The following SLTM variants were observed in gnomAD, a reference collection of about 807,000 sequenced individuals.
The protein encoded by SLTM is SAFB like transcription modulator, also known as SAFB-like transcription modulator.
A neutral mutation model predicts 134.6 loss-of-function variants in SLTM; 43 were observed. The ratio of observed to expected loss-of-function variants is 0.32; its 90% CI spans 0.25 to 0.41. The LOEUF (loss-of-function observed/expected upper bound fraction) is 0.41. Ranked by LOEUF, SLTM falls within the 10% of genes least tolerant of loss-of-function variation. The pLI, the probability that SLTM is intolerant of heterozygous loss-of-function variation, is 1.00. For missense variants in SLTM, 1,055 were observed against 1,288.8 expected (o/e 0.82, Z 2.78); for synonymous variants, 424 against 432.3 (o/e 0.98, Z 0.24).
At chr15:58,897,528 C>T in intron 8 of SLTM, 1 of 224,402 alleles carries the variant, frequency 4.5e-6, no homozygotes, top group Non-Finnish European at 8.9e-6. Context: ...TACCACTGCA[C>T]TGAATAGAGA....
rs778690130 is a variant in SLTM, at chr15:58,888,380, T to C, written c.2375+5A>G. 2.5e-6 allele frequency: 4 copies of C among 1,582,322 alleles called. No homozygotes were observed. The highest frequency in any genetic ancestry group is 3.4e-6 in the Non-Finnish European group (4 of 1,168,682). On this transcript the variant is annotated splice_donor_5th_base_variant and intron_variant, in intron 17 of 20. Coordinates refer to ENST00000380516, the MANE Select transcript of SLTM (RefSeq NM_024755.4). ...AATAAATATAACAATTTTCAACATA[T>C]CTACCTTTCAAAAGATGAAGACTGT... is the stretch of plus-strand genomic sequence containing the variant.
intron 5 of SLTM, among the ~76,000 whole-genome samples, chr15:58,903,372 G>A (rs754908485): frequency 6.6e-6 from 1 of 152,150 alleles, no homozygotes; most frequent in Non-Finnish European, 1.5e-5. Context: ...GCAGAAGTAC[G>A]CTGTTTAAAG....
chr15:58,912,426 G>A (rs528317469), intron 5 of SLTM, 137 bp downstream of exon 5: 4 of 815,458 alleles, frequency 4.9e-6, no homozygotes, highest in Admixed American at 2.0e-5. Context: ...TAAGTACTTT[G>A]TGTACATCAC....
At chr15:58,898,469 T>C (rs2035249829) in intron 8 of SLTM, 2 of 182,510 alleles carry the variant, frequency 1.1e-5, no homozygotes, top group South Asian at 2.3e-4. Context: ...TAGTTATAAA[T>C]GAGTAACAAA....
intron 17 of SLTM, 126 bp from the exon 18 acceptor site, chr15:58,887,666 A>G (rs2034329983): frequency 3.5e-5 from 51 of 1,450,412 alleles, no homozygotes; most frequent in Non-Finnish European, 4.4e-5. Flanking sequence ...AAGCCATGGA[A>G]AAAAGCTAGT....
In SLTM at chr15:58,887,439, G is replaced by T; in HGVS notation, c.2477C>A (p.Ser826Tyr). 1 of 1,613,972 alleles carries T rather than the reference G, an allele frequency of 6.2e-7. No individual in the cohort carries two copies. Among genetic ancestry groups the T allele is most frequent in the Non-Finnish European group, 8.5e-7 (1 of 1,180,002 alleles). Residue 826 changes from serine to tyrosine, a missense_variant, in exon 18 of 21, where the codon TCC becomes TAC. By Grantham distance (144) the Ser-to-Tyr change is moderately radical. Transcript: ENST00000380516. Reference sequence around the variant, plus strand: ...TGGTGGTGGAGGCTCATTTCTTCTGGAGTCACTGAAATTTTTGGGATATCT... The same window carrying T: ...TGGTGGTGGAGGCTCATTTCTTCTGTAGTCACTGAAATTTTTGGGATATCT... ...FERYPKNFSD[S>Y]RRNEPPPPRN...
intron 8 of SLTM, 83 bp from the exon 9 acceptor site, chr15:58,897,316 C>T (rs2035165183): frequency 3.9e-6 from 3 of 774,850 alleles, no homozygotes; most frequent in Admixed American, 2.3e-5. Context: ...TCTTTCAAAA[C>T]TATAATTTTG....
intron 2 of SLTM, among the ~76,000 whole-genome samples, chr15:58,919,789 A>G (rs1438130156): frequency 6.6e-6 from 1 of 152,184 alleles, no homozygotes; most frequent in Non-Finnish European, 1.5e-5. Context: ...AGCACTTAAA[A>G]AAAATTTCAG....
At chr15:58,888,831 G>T in intron 16 of SLTM, 1 of 277,552 alleles carries the variant, frequency 3.6e-6, no homozygotes, top group East Asian at 6.9e-5. Flanking sequence ...CAGGAGAAAT[G>T]ATACCATTAA....
rs1595870049 is a variant in SLTM at position 58,899,360 on chromosome 15, A to T, written c.1058+109T>A. On this transcript the variant is annotated intron_variant, in intron 7 of 20. Transcript: ENST00000380516. The surrounding 1 kb of genome is among the most constrained non-coding windows in gnomAD (Gnocchi z 5.0). The stretch of plus-strand genomic sequence containing the variant: ...GGTCAAAAATATTATAGGCAGGATC[A>T]TAAGACACTAATTACTGTACATGTT... 2 of 858,890 alleles carry T rather than the reference A, an allele frequency of 2.3e-6. No homozygotes were observed. Among genetic ancestry groups the T allele is most frequent in the Admixed American group, 2.4e-5 (1 of 41,542 alleles). The allele number at this position is 858,890 out of a possible 1,614,324, so 53.2% of individuals were successfully genotyped here. A position where few individuals can be genotyped will look rare whatever the true frequency, so the allele number is the denominator to read the frequency against.
At chr15:58,919,908 T>G (rs1212923684) in intron 2 of SLTM, among the ~76,000 whole-genome samples, 1 of 152,172 alleles carries the variant, frequency 6.6e-6, no homozygotes, top group East Asian at 1.9e-4. Context: ...TTGAAAATGG[T>G]GCTGTCAGAA....
In SLTM at chr15:58,890,450, A is replaced by G. The variant is rs1407966271; in HGVS notation, c.1910T>C (p.Ile637Thr). The change falls in exon 15 of 21, where the codon ATT becomes ACT. Residue 637 changes from isoleucine to threonine, a missense_variant. Around this residue, in one of 3 missense-constraint regions of SLTM, gnomAD observed 776 missense variants for 962.2 expected, o/e 0.81. Coordinates refer to ENST00000380516, the MANE Select transcript of SLTM (RefSeq NM_024755.4). The stretch of plus-strand genomic sequence containing the variant: ...TCGCTCTCGACGCTCTCTCTCTGCA[A>G]TCTCTCTTCGTCTACCAAAAATCAG... ...RAMELRRRRE[I>T]AERERRERER... 6.2e-7 allele frequency: 1 copy of G among 1,613,480 alleles called. No homozygotes were observed. Among genetic ancestry groups the G allele is most frequent in the African/African-American group, 1.3e-5 (1 of 74,892 alleles).
chr15:58,929,533 A>G (rs2037722158), intron 2 of SLTM, among the ~76,000 whole-genome samples: 1 of 152,222 alleles, frequency 6.6e-6, no homozygotes, highest in African/African-American at 2.4e-5. Flanking sequence ...TTCATTATTG[A>G]TATTTTAATA....
Position 58,887,533 on chromosome 15 carries a change from G to A in SLTM, c.2383C>T (p.Arg795Cys). The change falls in exon 18 of 21, where the codon CGC becomes TGC. Residue 795 changes from arginine (R) to cysteine (C), a missense_variant. Around this residue, in one of 3 missense-constraint regions of SLTM, gnomAD observed 776 missense variants for 962.2 expected, o/e 0.81. Transcript: ENST00000380516. ...TTCCCCTCACTTTGACCAACAAAGC[G>A]ATCCCGCCTATTGATTAGAAACAAA... is the stretch of plus-strand genomic sequence containing the variant. The part of the protein sequence containing the change: ...VQSSSFERRD[R>C]FVGQSEGKKA... The A allele has an allele frequency of 5.0e-6, 8 of 1,609,418 alleles. No homozygotes were observed. The highest frequency in any genetic ancestry group is 6.8e-6 in the Non-Finnish European group (8 of 1,178,010).
At chr15:58,916,365 G>A (rs1335460594) in intron 3 of SLTM, among the ~76,000 whole-genome samples, 1 of 152,054 alleles carries the variant, frequency 6.6e-6, no homozygotes, top group African/African-American at 2.4e-5. Flanking sequence ...GTAGAGATGG[G>A]GTTTTACTAT....
At chr15:58,889,281 G>A (rs1189353933) in intron 16 of SLTM, 149 bp downstream of exon 16, 1 of 937,414 alleles carries the variant, frequency 1.1e-6, no homozygotes, top group Non-Finnish European at 1.6e-6. Context: ...TAGTGCACTG[G>A]GTCTACCCCA....
Position 58,912,564 on chromosome 15 carries a change from T to C in SLTM, c.560A>G (p.Gln187Arg). ...EGEDDTFLTA[Q>R]DGEEEENEKD... ...TCATAGGACTAAATGTAAACTTACTTGGGCTGTTAGAAAGGTATCATCTTC... is the reference window on the plus strand; with the variant it reads ...TCATAGGACTAAATGTAAACTTACTCGGGCTGTTAGAAAGGTATCATCTTC... Residue 187 changes from glutamine (Q) to arginine (R), a missense_variant and splice_region_variant, in exon 5 of 21, where the codon CAA (glutamine) becomes CGA (arginine). Coordinates refer to ENST00000380516, the MANE Select transcript of SLTM (RefSeq NM_024755.4). The C allele has an allele frequency of 6.2e-7, 1 of 1,612,602 alleles. No homozygotes were observed. The highest frequency in any genetic ancestry group is 8.5e-7 in the Non-Finnish European group (1 of 1,179,052).
Position 58,887,135 on chromosome 15 carries a change from T to C in SLTM, c.2691-16A>G, listed in dbSNP as rs1356566754. On this transcript the variant is annotated splice_polypyrimidine_tract_variant and intron_variant, in intron 18 of 20. Transcript: ENST00000380516. Reference sequence around the variant, plus strand: ...CCTTTCAACTCTGTTAAACAAAACATAAAAACATACATGATCAAAACTGTA... The same window carrying C: ...CCTTTCAACTCTGTTAAACAAAACACAAAAACATACATGATCAAAACTGTA... 1.2e-6 allele frequency: 2 copies of C among 1,613,884 alleles called. No individual in the cohort carries two copies.
rs747684806 is a variant in SLTM, at chr15:58,933,534, G to A, written c.32C>T (p.Ser11Leu). MAAATGAVAA[S>L]AASGQAEGKK... The stretch of plus-strand genomic sequence containing the variant: ...ACCTTCCGCCTGACCCGAGGCGGCC[G>A]AGGCTGCCACCGCACCGGTAGCGGC... The change falls in exon 1 of 21, where the codon TCG becomes TTG. Residue 11 changes from serine (S) to leucine (L), a missense_variant. Ser to Leu is a moderately radical substitution (Grantham distance 145). Coordinates refer to ENST00000380516, the MANE Select transcript of SLTM (RefSeq NM_024755.4). The A allele has an allele frequency of 6.3e-6, 10 of 1,596,244 alleles. No individual in the cohort carries two copies. Among genetic ancestry groups the A allele is most frequent in the South Asian group, 1.1e-5 (1 of 89,134 alleles).
Sources: gnomAD v4.1 joint callset for allele counts (sites outside exome capture counted in the v4.1 genomes callset) on GRCh38, gnomAD v4.1.1 for gene constraint, gnomAD v4.1.1 regional missense constraint, Gnocchi (gnomAD v3.1) non-coding constraint, MANE v1.5 for transcripts, NCBI Gene and HGNC (gene_info 2026-07-23, HGNC 2026-07-21) for gene names.